The following ATG5 variants were observed in gnomAD, a reference collection of about 807,000 sequenced individuals.
ATG5 encodes the protein autophagy protein 5.
ATG5 carries 14 observed loss-of-function variants against 36.5 expected under a neutral mutation model. The ratio of observed to expected loss-of-function variants is 0.38; its 90% CI spans 0.25 to 0.60. The LOEUF is 0.60. Among genes scored for constraint, ATG5 ranks in the 20% least tolerant of loss-of-function variants. The probability of loss-of-function intolerance (pLI) is 0.60; values close to 1 mark genes in which losing one functional copy is unlikely to be tolerated. For synonymous variants in ATG5, 95 were observed against 101.5 expected, an observed-to-expected ratio of 0.94 and a Z score of 0.38; for missense variants, 195 against 326.7, an observed-to-expected ratio of 0.60 and a Z score of 3.11.
chr6:106,221,235 A>G (rs1777234972), intron 6 of ATG5, among the ~76,000 whole-genome samples: 2 of 152,248 alleles, frequency 1.3e-5, no homozygotes, highest in African/African-American at 2.4e-5. Context: ...TAAACCAGGC[A>G]GTAGACTTAC....
chr6:106,251,800 T>C (rs1329445023), intron 5 of ATG5, among the ~76,000 whole-genome samples: 1 of 150,220 alleles, frequency 6.7e-6, no homozygotes, highest in Non-Finnish European at 1.5e-5. Flanking sequence ...AAATCAGTGT[T>C]GAGATTGAAG....
chr6:106,257,645 A>C (rs753939532), intron 5 of ATG5, among the ~76,000 whole-genome samples: 1 of 152,210 alleles, frequency 6.6e-6, no homozygotes, highest in Non-Finnish European at 1.5e-5. Flanking sequence ...CCTCATTTGC[A>C]AAGATGGTAA....
chr6:106,217,615 A>G (rs970800944), intron 6 of ATG5: 10 of 152,204 alleles, frequency 6.6e-5, no homozygotes, highest in Non-Finnish European at 1.5e-4. Context: ...AATGGGGAAG[A>G]GAAACGCCAT....
At position 106,186,648 on chromosome 6, in the gene ATG5, A is replaced by C; in HGVS notation, c.720T>G (p.Ile240Met). The C allele has an allele frequency of 6.2e-7, 1 of 1,613,846 alleles. No homozygotes were observed. The highest frequency in any genetic ancestry group is 1.1e-5 in the South Asian group (1 of 91,076). Residue 240 changes from isoleucine (I) to methionine (M), a missense_variant, in exon 8 of 8, where the codon ATT becomes ATG. Ile to Met is a conservative substitution (Grantham distance 10). Transcript: ENST00000369076. ...TTTCCAACATTGGCTCAATTCCATG[A>C]ATCATCACTTGATTCTTTTTTTCCC... ...EDGEKKNQVM[I>M]HGIEPMLETP...
intron 4 of ATG5, among the ~76,000 whole-genome samples, chr6:106,284,118 T>A (rs752731856): frequency 2.0e-5 from 3 of 152,228 alleles, no homozygotes; most frequent in African/African-American, 7.2e-5. Context: ...TGAACATTCA[T>A]GTATAAGCTT....
chr6:106,267,478 C>CA (rs1198292303), intron 5 of ATG5, among the ~76,000 whole-genome samples: 4 of 152,054 alleles, frequency 2.6e-5, no homozygotes, highest in African/African-American at 4.8e-5. Context: ...TGCAGAATTA[C>CA]AAAAAAACTA....
chr6:106,193,594 A>C (rs1322238187), intron 7 of ATG5, among the ~76,000 whole-genome samples: 1 of 152,238 alleles, frequency 6.6e-6, no homozygotes, highest in Non-Finnish European at 1.5e-5. Context: ...CTTCCTGACA[A>C]TAAGATAAAA....
chr6:106,263,933 T>C (rs1226688934), intron 5 of ATG5, among the ~76,000 whole-genome samples: 1 of 149,298 alleles, frequency 6.7e-6, no homozygotes, highest in African/African-American at 2.5e-5. Context: ...CCAGAATGCC[T>C]CTTCTCCAAA....
intron 3 of ATG5, among the ~76,000 whole-genome samples, chr6:106,297,362 G>A (rs986161406): frequency 4.6e-5 from 7 of 152,036 alleles, no homozygotes; most frequent in Admixed American, 2.6e-4. Flanking sequence ...AAAAAGTACT[G>A]GGCTGCTCAG....
intron 6 of ATG5, among the ~76,000 whole-genome samples, chr6:106,238,990 G>A (rs763583695): frequency 1.3e-5 from 2 of 152,036 alleles, no homozygotes; most frequent in Non-Finnish European, 2.9e-5. Context: ...AATTAGAAAC[G>A]CTAGAAGGAA....
At position 106,186,653 on chromosome 6, in the gene ATG5, T is replaced by A. The variant is rs1332254750; in HGVS notation, c.715A>T (p.Met239Leu). 6.2e-7 allele frequency: 1 copy of A among 1,613,610 alleles called. No individual in the cohort carries two copies. Among genetic ancestry groups the A allele is most frequent in the South Asian group, 1.1e-5 (1 of 91,082 alleles). The change falls in exon 8 of 8, where the codon ATG (methionine) becomes TTG (leucine). Residue 239 changes from methionine to leucine, a missense_variant. Met to Leu is a conservative substitution (Grantham distance 15, BLOSUM62 2). Transcript: ENST00000369076. ...AACATTGGCTCAATTCCATGAATCA[T>A]CACTTGATTCTTTTTTTCCCCATCT... ...PEDGEKKNQV[M>L]IHGIEPMLET...
chr6:106,246,392 T>TCACACACACACACA (rs72252671), intron 6 of ATG5, among the ~76,000 whole-genome samples: 2 of 129,570 alleles, frequency 1.5e-5, no homozygotes, highest in African/African-American at 5.8e-5. Context: ...TCTCTCTCTC[T>TCACACACACACACA]CACACACACA....
intron 3 of ATG5, among the ~76,000 whole-genome samples, chr6:106,294,356 A>G (rs760382863): frequency 2.4e-4 from 37 of 152,148 alleles, no homozygotes; most frequent in Non-Finnish European, 1.5e-5. Flanking sequence ...TCTGGGCACG[A>G]TGCTTATGGG....
intron 3 of ATG5, among the ~76,000 whole-genome samples, chr6:106,308,157 A>T (rs2787546): frequency 0.085 from 13,004 of 152,252 alleles, 584 homozygotes; most frequent in South Asian, 0.13. Context: ...AAAATATATG[A>T]ATCTGTCCAG....
intron 6 of ATG5, among the ~76,000 whole-genome samples, chr6:106,236,615 T>C (rs756221792): frequency 6.6e-5 from 10 of 152,234 alleles, no homozygotes; most frequent in Non-Finnish European, 1.3e-4. Flanking sequence ...TTCATGTGCT[T>C]ATTAGCCATT....
At chr6:106,239,921 C>G (rs907301879) in intron 6 of ATG5, among the ~76,000 whole-genome samples, 4 of 152,172 alleles carry the variant, frequency 2.6e-5, no homozygotes, top group African/African-American at 9.7e-5. Context: ...GAAAGTTTGC[C>G]AAACCTTAGT....
At chr6:106,195,233 A>G (rs555528061) in intron 7 of ATG5, among the ~76,000 whole-genome samples, 1 of 152,330 alleles carries the variant, frequency 6.6e-6, no homozygotes, top group African/African-American at 2.4e-5. Context: ...TCACTGAATC[A>G]CTTGTAGGGA....
intron 6 of ATG5, among the ~76,000 whole-genome samples, chr6:106,242,157 T>C (rs1258663112): frequency 4.6e-5 from 7 of 151,856 alleles, no homozygotes; most frequent in Non-Finnish European, 7.4e-5. Context: ...CACACACACA[T>C]TTATAGAAGA....
At chr6:106,302,643 AGT>A (rs1197420902) in intron 3 of ATG5, among the ~76,000 whole-genome samples, 3 of 152,236 alleles carry the variant, frequency 2.0e-5, no homozygotes, top group African/African-American at 7.2e-5. Context: ...GGGAATCAAG[AGT>A]GGAGACGAAC....
Sources: gnomAD v4.1 joint callset for allele counts (sites outside exome capture counted in the v4.1 genomes callset) on GRCh38, gnomAD v4.1.1 for gene constraint, MANE v1.5 for transcripts, NCBI Gene and HGNC (gene_info 2026-07-23, HGNC 2026-07-21) for gene names.